Variants in NCKAP5 observed in about 807,000 individuals in gnomAD.
NCKAP5 encodes the protein NCK associated protein 5.
In NCKAP5, 92 loss-of-function variants were observed where a neutral mutation model predicts 167.0. The observed-to-expected ratio is 0.55, with a 90% CI of 0.47 to 0.66. The LOEUF is 0.66. Ranked by LOEUF, NCKAP5 falls within the 30% of genes least tolerant of loss-of-function variation. NCKAP5 has a pLI of 0.00. For missense variants in NCKAP5, 2,378 were observed against 2,315.0 expected (o/e 1.03, Z -0.56); for synonymous variants, 891 against 877.4 (o/e 1.02, Z -0.27).
At chr2:133,199,957 A>AT (rs1465302752) in intron 5 of NCKAP5, among the ~76,000 whole-genome samples, 3 of 151,850 alleles carry the variant, frequency 2.0e-5, no homozygotes, top group Admixed American at 2.0e-4. Context: ...ACAAAAAAGC[A>AT]TATAGTTCAG....
intron 6 of NCKAP5, among the ~76,000 whole-genome samples, chr2:133,031,324 C>A (rs2078872491): frequency 6.6e-6 from 1 of 151,936 alleles, no homozygotes. Context: ...TGTGAAGCAT[C>A]AAATTCAGTG....
At chr2:133,246,546 G>A (rs1211473376) in intron 4 of NCKAP5, among the ~76,000 whole-genome samples, 1 of 152,202 alleles carries the variant, frequency 6.6e-6, no homozygotes, top group African/African-American at 2.4e-5. Flanking sequence ...CAGTGGGTAA[G>A]ACATGGTGTG....
chr2:133,258,412 C>A (rs1414520921), intron 4 of NCKAP5, among the ~76,000 whole-genome samples: 1 of 152,174 alleles, frequency 6.6e-6, no homozygotes, highest in Non-Finnish European at 1.5e-5. Flanking sequence ...CCTAAGATAG[C>A]CTCTACAAAC....
intron 3 of NCKAP5, among the ~76,000 whole-genome samples, chr2:133,430,496 A>C (rs1166999408): frequency 6.6e-6 from 1 of 152,116 alleles, no homozygotes; most frequent in Non-Finnish European, 1.5e-5. Context: ...TGGCATTTTT[A>C]TAATTTGCGG....
At chr2:133,255,440 G>T (rs531084984) in intron 4 of NCKAP5, among the ~76,000 whole-genome samples, 3 of 152,288 alleles carry the variant, frequency 2.0e-5, no homozygotes, top group Admixed American at 1.3e-4. Context: ...CTACTGAATA[G>T]CTACATTTTC....
chr2:133,247,558 A>G (rs1158095666), intron 4 of NCKAP5, among the ~76,000 whole-genome samples: 2 of 152,226 alleles, frequency 1.3e-5, no homozygotes, highest in Non-Finnish European at 1.5e-5. Context: ...TTACGCTATT[A>G]AAAGCATTCC....
intron 19 of NCKAP5, among the ~76,000 whole-genome samples, chr2:132,716,580 G>T (rs376880279): frequency 1.3e-5 from 2 of 151,908 alleles, no homozygotes; most frequent in Non-Finnish European, 2.9e-5. Flanking sequence ...GAACTTGAGG[G>T]GGGTAACACT....
intron 6 of NCKAP5, among the ~76,000 whole-genome samples, chr2:133,034,042 C>A (rs529074404): frequency 2.6e-5 from 4 of 151,944 alleles, no homozygotes; most frequent in Non-Finnish European, 5.9e-5. Context: ...GCAGATTTAA[C>A]CCAAAGAAGA....
At chr2:133,482,086 T>G (rs961097544) in intron 3 of NCKAP5, among the ~76,000 whole-genome samples, 1 of 152,238 alleles carries the variant, frequency 6.6e-6, no homozygotes, top group African/African-American at 2.4e-5. Flanking sequence ...TCTTTATGTA[T>G]GTGCATGGCT....
intron 16 of NCKAP5, among the ~76,000 whole-genome samples, chr2:132,773,592 G>T (rs562012776): frequency 2.0e-5 from 3 of 152,216 alleles, no homozygotes; most frequent in South Asian, 4.2e-4. Context: ...TCATCAGTTT[G>T]CTTTGCATTC....
At chr2:133,244,133 G>A (rs2087862177) in intron 4 of NCKAP5, among the ~76,000 whole-genome samples, 1 of 152,062 alleles carries the variant, frequency 6.6e-6, no homozygotes, top group South Asian at 2.1e-4. Context: ...TTAATTTTTT[G>A]AGATTTGTCA....
intron 15 of NCKAP5, among the ~76,000 whole-genome samples, chr2:132,779,697 T>C (rs1682856018): frequency 6.6e-6 from 1 of 152,136 alleles, no homozygotes; most frequent in South Asian, 2.1e-4. Context: ...TCAAGAGCTA[T>C]TTGAATAAAA....
At chr2:132,902,595 C>A (rs1693710902) in intron 8 of NCKAP5, among the ~76,000 whole-genome samples, 1 of 152,230 alleles carries the variant, frequency 6.6e-6, no homozygotes, top group Non-Finnish European at 1.5e-5. Flanking sequence ...TGCCTTCTCA[C>A]TTGTGTGCAG....
At chr2:133,617,679 C>G in the NCKAP5 span, among the ~76,000 whole-genome samples, 1 of 151,100 alleles carries the variant, frequency 6.6e-6, no homozygotes, top group Non-Finnish European at 1.5e-5. Context: ...GAAGAACATC[C>G]CATGCTCATG....
chr2:133,354,943 G>T (rs1684609452), intron 3 of NCKAP5, among the ~76,000 whole-genome samples: 2 of 152,012 alleles, frequency 1.3e-5, no homozygotes, highest in African/African-American at 2.4e-5. Flanking sequence ...ACAATTCCAG[G>T]TGGTTAATAT....
At chr2:133,236,341 G>T (rs765282391) in intron 4 of NCKAP5, among the ~76,000 whole-genome samples, 1 of 152,110 alleles carries the variant, frequency 6.6e-6, no homozygotes, top group African/African-American at 2.4e-5. Flanking sequence ...AGTGTTTAAG[G>T]TGACTTCATA....
intron 11 of NCKAP5, among the ~76,000 whole-genome samples, chr2:132,857,057 T>C (rs1202389591): frequency 6.6e-6 from 1 of 152,174 alleles, no homozygotes; most frequent in Non-Finnish European, 1.5e-5. Flanking sequence ...GTAAAGTTTG[T>C]AGAATAGAGT....
At chr2:133,232,622 A>G (rs1031634173) in intron 4 of NCKAP5, among the ~76,000 whole-genome samples, 2 of 152,156 alleles carry the variant, frequency 1.3e-5, no homozygotes, top group African/African-American at 4.8e-5. Context: ...AAACAGAAAC[A>G]CTGTCACCAA....
intron 7 of NCKAP5, among the ~76,000 whole-genome samples, chr2:132,977,466 G>T (rs914078338): frequency 1.3e-5 from 2 of 151,952 alleles, no homozygotes; most frequent in African/African-American, 4.8e-5. Flanking sequence ...TTCTCACATA[G>T]GAGCAAATCA....
Sources: allele counts gnomAD v4.1 joint callset (sites outside exome capture counted in the v4.1 genomes callset), GRCh38; gene constraint gnomAD v4.1.1; transcripts MANE v1.5; gene names NCBI Gene and HGNC (gene_info 2026-07-23, HGNC 2026-07-21).